CMIP: variants seen among roughly 807,000 people sequenced by gnomAD.
CMIP encodes the protein c-Maf inducing protein, also known as C-Maf-inducing protein.
In CMIP, 13 loss-of-function variants were observed where a neutral mutation model predicts 97.3. That is an observed-to-expected ratio of 0.13 (90% CI 0.09 to 0.21). CMIP has a LOEUF of 0.21. Ranked by LOEUF, CMIP falls within the 10% of genes least tolerant of loss-of-function variation. The probability of loss-of-function intolerance (pLI) is 1.00; values close to 1 mark genes in which losing one functional copy is unlikely to be tolerated. For missense variants in CMIP, 847 were observed against 1,024.9 expected, an observed-to-expected ratio of 0.83 and a Z score of 2.37; for synonymous variants, 538 against 436.3, an observed-to-expected ratio of 1.23 and a Z score of -2.91.
chr16:81,586,784 C>G (rs2091390505), intron 1 of CMIP, among the ~76,000 whole-genome samples: 1 of 152,172 alleles, frequency 6.6e-6, no homozygotes, highest in African/African-American at 2.4e-5. Flanking sequence ...ACATCTGACT[C>G]CCCACTCAAC....
In CMIP at chr16:81,661,996, AGT is replaced by A. The variant is rs34660094; in HGVS notation, c.744+1063_744+1064del. On this transcript the variant is annotated intron_variant, in intron 6 of 20. Transcript: ENST00000537098. Reference sequence around the variant, plus strand: ...CTGGCCCAGGGAGTGAACACCCGTGAGTGTGTGTGTGTGTATACAGGTGTGGA... The same window carrying A: ...CTGGCCCAGGGAGTGAACACCCGTGAGTGTGTGTGTGTATACAGGTGTGGA... 1.2e-4 allele frequency among the ~76,000 whole-genome samples: 18 copies of A among 151,882 alleles called. No individual in the cohort carries two copies. In the South Asian group the frequency reaches 2.7e-3, roughly 23 times the overall value.
intron 10 of CMIP, among the ~76,000 whole-genome samples, chr16:81,678,913 A>G (rs890175000): frequency 1.1e-4 from 16 of 152,258 alleles, no homozygotes; most frequent in Admixed American, 8.5e-4. Context: ...CGTGGGGTGC[A>G]TGCATGGCTT....
chr16:81,626,256 T>A (rs563871308), intron 3 of CMIP, among the ~76,000 whole-genome samples: 3 of 152,108 alleles, frequency 2.0e-5, no homozygotes, highest in Non-Finnish European at 2.9e-5. Flanking sequence ...TGAGTGTGTG[T>A]GAGAGCGAGA....
rs139815548 is a variant in CMIP, at chr16:81,526,000, GTGTGTGTC to G, written c.300+80467_300+80474del. On this transcript the variant is annotated intron_variant, in intron 1 of 20. Transcript: ENST00000537098. ...TACGTGTGTGTGTGTGTGTGTGTGT[GTGTGTGTC>G]TGTGTGTGTGTGTGTGTTCGTCCAT... Among the ~76,000 whole-genome samples, 86 of 6,486 alleles carry G rather than the reference GTGTGTGTC, an allele frequency of 0.013. 1 individual carries two copies. The South Asian group carries it at 0.27, about 20-fold the overall frequency. The allele number at this position is 6,486 out of a possible 152,430, so 4.3% of individuals were successfully genotyped here.
chr16:81,612,788 C>CCCCGT (rs2091853179), intron 2 of CMIP, among the ~76,000 whole-genome samples: 3 of 152,048 alleles, frequency 2.0e-5, no homozygotes, highest in African/African-American at 7.2e-5. Context: ...TGGCTGGGGA[C>CCCCGT]CTCTCCCATG....
intron 3 of CMIP, among the ~76,000 whole-genome samples, chr16:81,646,851 C>G (rs1371779462): frequency 6.6e-6 from 1 of 152,064 alleles, no homozygotes; most frequent in Admixed American, 6.6e-5. Flanking sequence ...ATGGCTATAC[C>G]ACATCTTGTT....
intron 1 of CMIP, among the ~76,000 whole-genome samples, chr16:81,543,544 TG>T (rs915076823): frequency 6.6e-6 from 1 of 152,080 alleles, no homozygotes; most frequent in Admixed American, 6.5e-5. Context: ...GTCAGGGTCG[TG>T]GGGGTAAGAT....
chr16:81,597,494 C>T (rs1429952213), intron 1 of CMIP, among the ~76,000 whole-genome samples: 2 of 151,054 alleles, frequency 1.3e-5, no homozygotes, highest in African/African-American at 4.9e-5. Context: ...TCTGGTCTGT[C>T]ATGAGAGTGA....
intron 1 of CMIP, chr16:81,464,829 GCTTATGTCA>G (rs2150741044): frequency 1.3e-5 from 2 of 152,250 alleles, no homozygotes; most frequent in Non-Finnish European, 2.9e-5. Flanking sequence ...TCTGTGTCTG[GCTTATGTCA>G]CTTAGTGTGA....
chr16:81,641,590 C>T (rs765805758), intron 3 of CMIP, among the ~76,000 whole-genome samples: 8 of 152,270 alleles, frequency 5.3e-5, no homozygotes, highest in South Asian at 4.2e-4. Context: ...CAGCCGATGC[C>T]GCAGAGACAG....
At chr16:81,676,145 G>A (rs928310276) in intron 9 of CMIP, among the ~76,000 whole-genome samples, 6 of 152,192 alleles carry the variant, frequency 3.9e-5, no homozygotes, top group Admixed American at 1.3e-4. Flanking sequence ...GAGGCGTGGC[G>A]AGGGTGAGAT....
intron 1 of CMIP, among the ~76,000 whole-genome samples, chr16:81,466,553 G>T (rs935486111): frequency 1.3e-5 from 2 of 152,118 alleles, no homozygotes; most frequent in Non-Finnish European, 2.9e-5. Flanking sequence ...ACATCACAGG[G>T]TTATCATGAG....
intron 1 of CMIP, among the ~76,000 whole-genome samples, chr16:81,541,548 G>A (rs1179124100): frequency 6.6e-6 from 1 of 152,156 alleles, no homozygotes; most frequent in East Asian, 1.9e-4. Context: ...TGGTTACGCT[G>A]GTGAGAGGTG....
intron 1 of CMIP, among the ~76,000 whole-genome samples, chr16:81,485,292 C>T (rs558286496): frequency 6.6e-5 from 10 of 152,342 alleles, no homozygotes; most frequent in Admixed American, 5.9e-4. Flanking sequence ...AGAAATACTG[C>T]GAACGACTTT....
At chr16:81,568,836 A>T (rs886546262) in intron 1 of CMIP, among the ~76,000 whole-genome samples, 5 of 152,216 alleles carry the variant, frequency 3.3e-5, no homozygotes, top group African/African-American at 1.2e-4. Flanking sequence ...GTGACCTGGG[A>T]AAACGCACTT....
At chr16:81,583,730 C>G (rs1002035502) in intron 1 of CMIP, among the ~76,000 whole-genome samples, 1 of 152,100 alleles carries the variant, frequency 6.6e-6, no homozygotes, top group Non-Finnish European at 1.5e-5. Flanking sequence ...TACCCCTTTC[C>G]CAAGTGGTTT....
chr16:81,553,560 G>A (rs1421008584), intron 1 of CMIP, among the ~76,000 whole-genome samples: 2 of 152,208 alleles, frequency 1.3e-5, no homozygotes, highest in African/African-American at 4.8e-5. Flanking sequence ...CAACTGTGAC[G>A]CCCTGTGGCT....
chr16:81,621,724 GC>G lies in CMIP; in HGVS notation c.477+800del, dbSNP rs935500293. 1 of 152,708 alleles carries G rather than the reference GC, an allele frequency of 6.5e-6. No individual in the cohort carries two copies. Among genetic ancestry groups the G allele is most frequent in the African/African-American group, 2.4e-5 (1 of 41,464 alleles). The allele number at this position is 152,708 out of a possible 1,614,324, so 9.5% of individuals were successfully genotyped here. A position where few individuals can be genotyped will look rare whatever the true frequency, so the allele number is the denominator to read the frequency against. ...TGTCATCCTTACAGTAAGCTGGGGA[GC>G]CACAGGGGATGAACAGCTGGCCCCA... On this transcript the variant is annotated intron_variant, in intron 3 of 20. Coordinates refer to ENST00000537098, the MANE Select transcript of CMIP (RefSeq NM_198390.3). The surrounding 1 kb of genome is among the most constrained non-coding windows in gnomAD (Gnocchi z 4.1).
At chr16:81,472,335 C>T (rs1182684227) in intron 1 of CMIP, among the ~76,000 whole-genome samples, 3 of 152,212 alleles carry the variant, frequency 2.0e-5, no homozygotes, top group Admixed American at 6.5e-5. Flanking sequence ...GAGCAAGGCT[C>T]AGAACCCCAG....
Sources: gnomAD v4.1 joint callset for allele counts (sites outside exome capture counted in the v4.1 genomes callset) on GRCh38, gnomAD v4.1.1 for gene constraint, Gnocchi (gnomAD v3.1) non-coding constraint, MANE v1.5 for transcripts, NCBI Gene and HGNC (gene_info 2026-07-23, HGNC 2026-07-21) for gene names.